The following PCP4 variants were observed in gnomAD, a reference collection of about 807,000 sequenced individuals.
PCP4 encodes the protein Purkinje cell protein 4.
Under a neutral mutation model 10.0 loss-of-function variants are expected in PCP4, and 8 were observed. That is an observed-to-expected ratio of 0.80 (90% CI 0.47 to 1.45). The LOEUF (loss-of-function observed/expected upper bound fraction) is 1.45, where lower values mean the gene tolerates loss of function less well. Ranked by LOEUF, PCP4 falls within the 40% of genes most tolerant of loss-of-function variation. The pLI, the probability that PCP4 is intolerant of heterozygous loss-of-function variation, is 0.00. For missense variants in PCP4, 54 were observed against 74.4 expected (o/e 0.73, Z 1.01); for synonymous variants, 21 against 23.0 (o/e 0.91, Z 0.24).
intron 2 of PCP4, among the ~76,000 whole-genome samples, chr21:39,917,829 CAGA>C (rs983629880): frequency 2.6e-5 from 4 of 152,146 alleles, no homozygotes; most frequent in African/African-American, 9.7e-5. Context: ...TCCATAACCT[CAGA>C]ATGTGATCTT....
intron 1 of PCP4, among the ~76,000 whole-genome samples, chr21:39,882,266 A>T (rs2087379462): frequency 6.6e-6 from 1 of 152,308 alleles, no homozygotes; most frequent in African/African-American, 2.4e-5. Context: ...GCAGCGGTAC[A>T]TTACGCTTGG....
intron 1 of PCP4, among the ~76,000 whole-genome samples, chr21:39,888,427 T>TG (rs1349886741): frequency 2.0e-5 from 3 of 152,120 alleles, no homozygotes; most frequent in Non-Finnish European, 4.4e-5. Flanking sequence ...GATGGATAAG[T>TG]GGGGGGAGCG....
At chr21:39,893,626 G>T (rs185006830) in intron 1 of PCP4, among the ~76,000 whole-genome samples, 1 of 152,338 alleles carries the variant, frequency 6.6e-6, no homozygotes, top group East Asian at 1.9e-4. Context: ...GATGCAGGCT[G>T]TGATTGTGAA....
intron 1 of PCP4, among the ~76,000 whole-genome samples, chr21:39,891,133 G>A (rs1425531679): frequency 6.6e-6 from 1 of 152,190 alleles, no homozygotes; most frequent in Middle Eastern, 3.2e-3. Context: ...TCAACTAGCA[G>A]GGTATTGAAT....
At chr21:39,880,505 G>A (rs545819772) in intron 1 of PCP4, among the ~76,000 whole-genome samples, 1 of 152,258 alleles carries the variant, frequency 6.6e-6, no homozygotes, top group Admixed American at 6.5e-5. Flanking sequence ...GTGTATACGT[G>A]TATATGTTTA....
chr21:39,874,288 G>C (rs542074880), intron 1 of PCP4, among the ~76,000 whole-genome samples: 1 of 152,248 alleles, frequency 6.6e-6, no homozygotes, highest in South Asian at 2.1e-4. Context: ...AGCCATACAC[G>C]AGTCAGACCT....
rs189139272 is a variant in PCP4 at position 39,906,605 on chromosome 21, C to G, written c.61+8078C>G. Among the ~76,000 whole-genome samples the G allele has an allele frequency of 2.8e-3, 430 of 152,126 alleles. 2 individuals carry two copies. Among genetic ancestry groups the G allele is most frequent in the Non-Finnish European group, 5.4e-3 (367 of 67,996 alleles). ...CTTTCCTTCCCTTCCTTCCCTCCCT[C>G]CGTCTTTTCTTCCTACCTTTCATCC... On this transcript the variant is annotated intron_variant, in intron 2 of 2. Transcript: ENST00000328619. This position sits in a 1 kb window ranked among gnomAD's most constrained non-coding sequence, Gnocchi z 6.3.
In PCP4 at chr21:39,929,131, T is replaced by C; in HGVS notation, c.*20T>C. The C allele has an allele frequency of 6.2e-7, 1 of 1,602,026 alleles. No individual in the cohort carries two copies. The highest frequency in any genetic ancestry group is 1.7e-5 in the Admixed American group (1 of 58,000). Reference sequence around the variant, plus strand: ...TCCTAGTGGGAGAACCCCCTCCTAGTCCACCTGAAAACACCAAATTCAACC... The same window carrying C: ...TCCTAGTGGGAGAACCCCCTCCTAGCCCACCTGAAAACACCAAATTCAACC... On this transcript the variant is annotated 3_prime_UTR_variant, in exon 3 of 3. Transcript: ENST00000328619.
Position 39,906,091 on chromosome 21 carries a change from G to T in PCP4, c.61+7564G>T, listed in dbSNP as rs1170718131. ...CTGTCTTCCCTTTGATGTTACCATG[G>T]CCTTGCAGGTGGGTTGGGAGAGGAT... On this transcript the variant is annotated intron_variant, in intron 2 of 2. Transcript: ENST00000328619. The surrounding 1 kb of genome is among the most constrained non-coding windows in gnomAD (Gnocchi z 6.3). Among the ~76,000 whole-genome samples, 1 of 152,190 alleles carries T rather than the reference G, an allele frequency of 6.6e-6. No individual in the cohort carries two copies. The highest frequency in any genetic ancestry group is 1.5e-5 in the Non-Finnish European group (1 of 68,034).
intron 1 of PCP4, among the ~76,000 whole-genome samples, chr21:39,871,392 G>A (rs1302145424): frequency 6.6e-6 from 1 of 152,156 alleles, no homozygotes; most frequent in Non-Finnish European, 1.5e-5. Context: ...GTAAGGAGCT[G>A]TATATTTTAG....
At chr21:39,892,078 G>A (rs530801019) in intron 1 of PCP4, among the ~76,000 whole-genome samples, 158 of 152,234 alleles carry the variant, frequency 1.0e-3, no homozygotes, top group Non-Finnish European at 2.0e-3. Flanking sequence ...TCCCTTTTGC[G>A]GTCTGCTAAG....
intron 2 of PCP4, among the ~76,000 whole-genome samples, chr21:39,907,426 C>G (rs1220125000): frequency 6.6e-6 from 1 of 152,186 alleles, no homozygotes; most frequent in Non-Finnish European, 1.5e-5. Context: ...GGAGGCCTAT[C>G]TGGAGGAGCG....
Position 39,906,733 on chromosome 21 carries a change from T to C in PCP4, c.61+8206T>C, listed in dbSNP as rs1009107640. Among the ~76,000 whole-genome samples, 2 of 152,318 alleles carry C rather than the reference T, an allele frequency of 1.3e-5. No individual in the cohort carries two copies. On this transcript the variant is annotated intron_variant, in intron 2 of 2. Transcript: ENST00000328619. This position sits in a 1 kb window ranked among gnomAD's most constrained non-coding sequence, Gnocchi z 6.3. The stretch of plus-strand genomic sequence containing the variant: ...TACAGAGAAAGCTTATACACCTTGG[T>C]GAAAAAGTAAAGTTATACATTATTC...
intron 2 of PCP4, among the ~76,000 whole-genome samples, chr21:39,910,396 G>A (rs565861299): frequency 4.6e-5 from 7 of 151,942 alleles, no homozygotes; most frequent in Admixed American, 2.6e-4. Flanking sequence ...TTCAAGTTTC[G>A]CTCTTTCCAC....
intron 2 of PCP4, among the ~76,000 whole-genome samples, chr21:39,927,653 C>T (rs1281481734): frequency 6.6e-6 from 1 of 152,164 alleles, no homozygotes; most frequent in Non-Finnish European, 1.5e-5. Context: ...CTGTGCTCCT[C>T]ACAGGGCTGG....
chr21:39,890,495 A>G lies in PCP4; in HGVS notation c.10-7981A>G, dbSNP rs375127069. On this transcript the variant is annotated intron_variant, in intron 1 of 2. Transcript: ENST00000328619. ...CCCAGCCTCCAGAGTGGCTGGGATT[A>G]CAGGCATTTGCCACCCCACCCAGCT... is the stretch of plus-strand genomic sequence containing the variant. Among the ~76,000 whole-genome samples, 6 of 150,996 alleles carry G rather than the reference A, an allele frequency of 4.0e-5. No homozygotes were observed. In the East Asian group the frequency reaches 5.8e-4, roughly 15 times the overall value.
At chr21:39,869,754 G>A (rs1013351766) in intron 1 of PCP4, among the ~76,000 whole-genome samples, 2 of 152,232 alleles carry the variant, frequency 1.3e-5, no homozygotes, top group African/African-American at 4.8e-5. Context: ...TAGAGAACTC[G>A]ATTCCCCCTT....
rs147364928 is a variant in PCP4, at chr21:39,904,736, G to A, written c.61+6209G>A. On this transcript the variant is annotated intron_variant, in intron 2 of 2. Transcript: ENST00000328619. ...GTACACGGAAGACAGAGCAGCCTGC[G>A]ATTCAGAGTTTTGCTGTTCCTGTAG... Among the ~76,000 whole-genome samples, 423 of 152,316 alleles carry A rather than the reference G, an allele frequency of 2.8e-3. 15 individuals carry two copies. Among genetic ancestry groups the A allele is most frequent in the Admixed American group, 0.026 (393 of 15,294 alleles).
In PCP4 at chr21:39,880,174, ATCTATATCTATATCTATCTATATC is replaced by A. The variant is rs1483125831; in HGVS notation, c.9+12666_9+12689del. On this transcript the variant is annotated intron_variant, in intron 1 of 2. Coordinates refer to ENST00000328619, the MANE Select transcript of PCP4 (RefSeq NM_006198.3). Reference sequence around the variant, plus strand: ...TATCTATATCTATATCTATATCTATATCTATATCTATATCTATCTATATCTATTCCCTGTCCAAGTGGAAGCTCT... The same window carrying A: ...TATCTATATCTATATCTATATCTATATATTCCCTGTCCAAGTGGAAGCTCT... 8.4e-4 allele frequency among the ~76,000 whole-genome samples: 125 copies of A among 148,602 alleles called. 1 individual carries two copies. The highest frequency in any genetic ancestry group is 2.9e-3 in the African/African-American group (115 of 39,402).
Sources: gnomAD v4.1 joint callset for allele counts (sites outside exome capture counted in the v4.1 genomes callset) on GRCh38, gnomAD v4.1.1 for gene constraint, Gnocchi (gnomAD v3.1) non-coding constraint, MANE v1.5 for transcripts, NCBI Gene and HGNC (gene_info 2026-07-23, HGNC 2026-07-21) for gene names.